The following CDH10 variants were observed in gnomAD, a reference collection of about 807,000 sequenced individuals.
CDH10 encodes the protein cadherin 10, also known as cadherin-10.
In CDH10, 30 loss-of-function variants were observed where a neutral mutation model predicts 73.1. The observed-to-expected ratio is 0.41, with a 90% CI of 0.31 to 0.56. CDH10 has a LOEUF of 0.56. Ranked by LOEUF, CDH10 falls within the 20% of genes least tolerant of loss-of-function variation. CDH10 has a pLI of 0.27. For missense variants in CDH10, 815 were observed against 973.7 expected (o/e 0.84, Z 2.17); for synonymous variants, 345 against 348.2 (o/e 0.99, Z 0.10).
At chr5:24,535,060 T>G (rs1326337684) in intron 5 of CDH10, 52 bp downstream of exon 5, 1 of 1,455,984 alleles carries the variant, frequency 6.9e-7, no homozygotes, top group African/African-American at 1.4e-5. Context: ...TTGTCTGTCT[T>G]TTTTTACTCT....
intron 5 of CDH10, among the ~76,000 whole-genome samples, chr5:24,527,242 C>A (rs1315047564): frequency 6.8e-6 from 1 of 147,526 alleles, no homozygotes; most frequent in African/African-American, 2.5e-5. Context: ...TATATACTTA[C>A]ATAATTAAAT....
chr5:24,505,982 C>T (rs1742684640), intron 7 of CDH10, among the ~76,000 whole-genome samples: 1 of 151,896 alleles, frequency 6.6e-6, no homozygotes, highest in Non-Finnish European at 1.5e-5. Context: ...GGTGTGGTGG[C>T]ACGTGCCTGT....
chr5:24,634,595 G>C (rs897815474), intron 1 of CDH10, among the ~76,000 whole-genome samples: 1 of 151,700 alleles, frequency 6.6e-6, no homozygotes, highest in Non-Finnish European at 1.5e-5. Context: ...CTCTGATTAA[G>C]CAGATAATAC....
intron 2 of CDH10, among the ~76,000 whole-genome samples, chr5:24,543,699 C>A (rs894185872): frequency 2.6e-5 from 4 of 151,996 alleles, no homozygotes; most frequent in African/African-American, 9.7e-5. Context: ...CACCCAACAA[C>A]AACAACAACA....
chr5:24,577,017 A>C (rs977941361), intron 2 of CDH10, among the ~76,000 whole-genome samples: 8 of 151,794 alleles, frequency 5.3e-5, no homozygotes, highest in African/African-American at 1.9e-4. Context: ...AAAAAAAAAA[A>C]ACCCAAACTG....
In CDH10 at chr5:24,638,570, G is replaced by A. The variant is rs75575105; in HGVS notation, c.-124+6024C>T. On this transcript the variant is annotated intron_variant, in intron 1 of 11. Transcript: ENST00000264463. ...GGGGGTAGATAAATAAAGATTTTCT[G>A]TAAGTTTCTACTCATGGAGAAATAT... is the stretch of plus-strand genomic sequence containing the variant. 7.8e-3 allele frequency among the ~76,000 whole-genome samples: 1,182 copies of A among 151,920 alleles called. 18 individuals are homozygous for A. Among genetic ancestry groups the A allele is most frequent in the African/African-American group, 0.027 (1,122 of 41,516 alleles).
rs182400426 is a variant in CDH10 at position 24,585,504 on chromosome 5, C to T, written c.231+7756G>A. Among the ~76,000 whole-genome samples the T allele has an allele frequency of 1.6e-3, 250 of 152,226 alleles. 1 individual carries two copies. The highest frequency in any genetic ancestry group is 5.8e-3 in the African/African-American group (242 of 41,530). On this transcript the variant is annotated intron_variant, in intron 2 of 11. Transcript: ENST00000264463. Reference sequence around the variant, plus strand: ...GTAGCGCAATCTCGGCTCACTGCAACCTCCGCCTCCCAGGTTCAAGCAATT... The same window carrying T: ...GTAGCGCAATCTCGGCTCACTGCAATCTCCGCCTCCCAGGTTCAAGCAATT...
At chr5:24,628,492 G>A (rs918711590) in intron 1 of CDH10, among the ~76,000 whole-genome samples, 4 of 152,008 alleles carry the variant, frequency 2.6e-5, no homozygotes, top group Admixed American at 6.6e-5. Flanking sequence ...CCCTCAGGTC[G>A]GCTTATCTGA....
At chr5:24,498,305 T>C in intron 9 of CDH10, 93 bp downstream of exon 9, 2 of 740,518 alleles carry the variant, frequency 2.7e-6, no homozygotes, top group Non-Finnish European at 4.5e-6. Context: ...AGTATTTCCA[T>C]CTCTGTGTAT....
intron 1 of CDH10, among the ~76,000 whole-genome samples, chr5:24,644,032 G>T (rs1475562906): frequency 6.6e-6 from 1 of 152,116 alleles, no homozygotes; most frequent in East Asian, 1.9e-4. Context: ...TATTTCTGAT[G>T]AATGTCAATC....
chr5:24,568,799 A>G (rs1745256558), intron 2 of CDH10, among the ~76,000 whole-genome samples: 1 of 152,172 alleles, frequency 6.6e-6, no homozygotes, highest in Non-Finnish European at 1.5e-5. Flanking sequence ...ACACAATACA[A>G]CATGATTCAG....
At position 24,575,933 on chromosome 5, in the gene CDH10, A is replaced by G. The variant is rs569377225; in HGVS notation, c.231+17327T>C. Among the ~76,000 whole-genome samples the G allele has an allele frequency of 2.0e-5, 3 of 152,084 alleles. No homozygotes were observed. The South Asian group carries it at 6.2e-4, about 31-fold the overall frequency. ...TTTGGAGTTAACTTCCAAAATGTTC[A>G]AAATGCTATTATTGGATCAAATATA... is the stretch of plus-strand genomic sequence containing the variant. On this transcript the variant is annotated intron_variant, in intron 2 of 11. Transcript: ENST00000264463.
chr5:24,565,385 A>G (rs2112004114), intron 2 of CDH10, among the ~76,000 whole-genome samples: 1 of 152,350 alleles, frequency 6.6e-6, no homozygotes, highest in South Asian at 2.1e-4. Flanking sequence ...GAACTCTAAC[A>G]TACCATGCCT....
At chr5:24,544,900 T>G (rs1223649131) in intron 2 of CDH10, among the ~76,000 whole-genome samples, 1 of 152,198 alleles carries the variant, frequency 6.6e-6, no homozygotes, top group East Asian at 1.9e-4. Flanking sequence ...AAGGCATTTA[T>G]TTATTTCAGA....
At chr5:24,615,317 A>G (rs1344383874) in intron 1 of CDH10, among the ~76,000 whole-genome samples, 2 of 152,184 alleles carry the variant, frequency 1.3e-5, no homozygotes, top group Non-Finnish European at 1.5e-5. Context: ...CAGTTCTCAA[A>G]TATCACCTCG....
Position 24,492,920 on chromosome 5 carries a change from T to C in CDH10, c.1521A>G (p.Ile507Met). Residue 507 changes from isoleucine to methionine, a missense_variant, in exon 10 of 12, where the codon ATA (isoleucine) becomes ATG (methionine). This residue lies in a region of CDH10 where 516 missense variants were observed against 636.6 expected (regional missense o/e 0.81). Transcript: ENST00000264463. ...CTTTGTCTACTGCACTTATAGTCTG[T>C]ATTAGCTGCAGAAAAAGAAAAATAT... ...VCENARPGQL[I>M]QTISAVDKDD... 1 of 1,433,478 alleles carries C rather than the reference T, an allele frequency of 7.0e-7. No homozygotes were observed. 88.8% of individuals were successfully genotyped at this position (1,433,478 alleles called of 1,614,324 possible). A position where few individuals can be genotyped will look rare whatever the true frequency, so the allele number is the denominator to read the frequency against.
At chr5:24,626,781 T>C (rs1747514425) in intron 1 of CDH10, among the ~76,000 whole-genome samples, 1 of 98,288 alleles carries the variant, frequency 1.0e-5, no homozygotes, top group Admixed American at 9.2e-5. Context: ...CTCAAAAACC[T>C]ATATATATAT....
At chr5:24,506,957 G>C (rs1043759357) in intron 7 of CDH10, among the ~76,000 whole-genome samples, 7 of 152,166 alleles carry the variant, frequency 4.6e-5, no homozygotes, top group Admixed American at 1.3e-4. Context: ...TTATCTTGCA[G>C]ATACACAGAG....
chr5:24,544,685 C>A (rs371251912), intron 2 of CDH10, among the ~76,000 whole-genome samples: 2 of 152,284 alleles, frequency 1.3e-5, no homozygotes, highest in Middle Eastern at 3.4e-3. Flanking sequence ...GGTGTCCAAT[C>A]TGGGATGGTC....
Sources: allele counts gnomAD v4.1 joint callset (sites outside exome capture counted in the v4.1 genomes callset), GRCh38; gene constraint gnomAD v4.1.1; regional missense constraint gnomAD v4.1.1; transcripts MANE v1.5; gene names NCBI Gene and HGNC (gene_info 2026-07-23, HGNC 2026-07-21).